The following RAPGEF6 variants were observed in gnomAD, a reference collection of about 807,000 sequenced individuals.
The protein encoded by RAPGEF6 is Rap guanine nucleotide exchange factor 6.
Under a neutral mutation model 171.4 loss-of-function variants are expected in RAPGEF6, and 56 were observed. The ratio of observed to expected loss-of-function variants is 0.33; its 90% CI spans 0.26 to 0.41. RAPGEF6 has a LOEUF of 0.41. Among genes scored for constraint, RAPGEF6 ranks in the 10% least tolerant of loss-of-function variants. The probability of loss-of-function intolerance (pLI) is 1.00; values close to 1 mark genes in which losing one functional copy is unlikely to be tolerated. For missense variants in RAPGEF6, 1,674 were observed against 1,921.4 expected, an observed-to-expected ratio of 0.87 and a Z score of 2.41; for synonymous variants, 692 against 650.1, an observed-to-expected ratio of 1.06 and a Z score of -0.98.
At chr5:131,598,261 G>A (rs1764019847) in intron 3 of RAPGEF6, among the ~76,000 whole-genome samples, 1 of 152,076 alleles carries the variant, frequency 6.6e-6, no homozygotes. Context: ...AGAAAATAAG[G>A]CAGTAGAAAA....
intron 4 of RAPGEF6, among the ~76,000 whole-genome samples, chr5:131,567,170 T>A (rs1022830138): frequency 3.9e-5 from 6 of 152,140 alleles, no homozygotes; most frequent in African/African-American, 1.4e-4. Flanking sequence ...TATGCCTGAT[T>A]CTGGAAATTT....
intron 27 of RAPGEF6, 124 bp from the exon 28 acceptor site, chr5:131,427,415 C>A: frequency 1.3e-6 from 1 of 759,520 alleles, no homozygotes; most frequent in Non-Finnish European, 2.1e-6. Flanking sequence ...CATCGAGGCC[C>A]AGATTTTATT....
intron 9 of RAPGEF6, 65 bp downstream of exon 9, chr5:131,508,006 G>A (rs901058055): frequency 8.3e-6 from 11 of 1,330,820 alleles, no homozygotes; most frequent in Non-Finnish European, 1.0e-5. Context: ...ACAAATTTAT[G>A]GAAATTAAGT....
rs1751291426 is a variant in RAPGEF6 at position 131,424,159 on chromosome 5, C to T, written c.*3107G>A. ...ATCAATGAATTGTGCAGTAGAATTG[C>T]TATCTGATTATTACAGATGTGCAGT... is the stretch of plus-strand genomic sequence containing the variant. On this transcript the variant is annotated 3_prime_UTR_variant, in exon 28 of 28. Transcript: ENST00000509018. 1 of 152,238 alleles carries T rather than the reference C, an allele frequency of 6.6e-6. No homozygotes were observed. Among genetic ancestry groups the T allele is most frequent in the Non-Finnish European group, 1.5e-5 (1 of 67,990 alleles). The allele number at this position is 152,238 out of a possible 1,614,324, so 9.4% of individuals were successfully genotyped here.
At chr5:131,480,485 T>C (rs244736) in intron 15 of RAPGEF6, among the ~76,000 whole-genome samples, 114,456 of 151,802 alleles carry the variant, frequency 0.75, 43,408 homozygotes, top group Middle Eastern at 0.81. Flanking sequence ...TATTGATTGA[T>C]TGACTGATTT....
At chr5:131,610,750 T>C (rs1253271216) in intron 1 of RAPGEF6, among the ~76,000 whole-genome samples, 19 of 151,994 alleles carry the variant, frequency 1.3e-4, no homozygotes, top group Admixed American at 1.2e-3. Context: ...CCACCATCTC[T>C]TGTCTAAGTT....
At chr5:131,622,771 A>C (rs1252311001) in intron 1 of RAPGEF6, among the ~76,000 whole-genome samples, 1 of 152,154 alleles carries the variant, frequency 6.6e-6, no homozygotes, top group Non-Finnish European at 1.5e-5. Flanking sequence ...AGAAGTATAA[A>C]TAAGTTCTTT....
At chr5:131,624,886 G>T (rs747166540) in intron 1 of RAPGEF6, among the ~76,000 whole-genome samples, 1 of 152,222 alleles carries the variant, frequency 6.6e-6, no homozygotes, top group Non-Finnish European at 1.5e-5. Context: ...ACTTTGGGAG[G>T]TCGAGGCGGG....
chr5:131,515,597 T>C (rs1289431740), intron 7 of RAPGEF6, among the ~76,000 whole-genome samples: 2 of 152,166 alleles, frequency 1.3e-5, no homozygotes, highest in Non-Finnish European at 2.9e-5. Flanking sequence ...ATGTCAAGTT[T>C]ACAAGTAACT....
intron 5 of RAPGEF6, among the ~76,000 whole-genome samples, chr5:131,558,172 A>T (rs1279603517): frequency 1.4e-5 from 2 of 148,128 alleles, no homozygotes; most frequent in African/African-American, 5.0e-5. Flanking sequence ...TTTTCTAGAT[A>T]TTGGCTTGTG....
intron 6 of RAPGEF6, 85 bp from the exon 7 acceptor site, chr5:131,521,606 T>A: frequency 8.0e-7 from 1 of 1,256,462 alleles, no homozygotes; most frequent in Non-Finnish European, 1.1e-6. Flanking sequence ...AATTTTTATG[T>A]ACATTACTGT....
chr5:131,490,358 T>G (rs1002963546), intron 14 of RAPGEF6, among the ~76,000 whole-genome samples: 1 of 151,658 alleles, frequency 6.6e-6, no homozygotes, highest in Non-Finnish European at 1.5e-5. Flanking sequence ...TGAAAAAATA[T>G]TAGGGAAAGA....
At chr5:131,500,223 C>G (rs1019963987) in intron 11 of RAPGEF6, among the ~76,000 whole-genome samples, 1 of 152,010 alleles carries the variant, frequency 6.6e-6, no homozygotes, top group African/African-American at 2.4e-5. Flanking sequence ...AAATAAGGTA[C>G]GAAAATCGTT....
chr5:131,433,526 C>T lies in RAPGEF6; in HGVS notation c.3878G>A (p.Cys1293Tyr). ...SMSAALQDERCSSQALAVPES... is the reference protein window; with the variant it reads ...SMSAALQDERYSSQALAVPES... ...AGGGACTGCCAGGGCCTGAGAGGAA[C>T]ACCGTTCATCCTGTAGAGCTGCAGA... Residue 1293 changes from cysteine to tyrosine, a missense_variant, in exon 25 of 28, where the codon TGT (cysteine) becomes TAT (tyrosine). Around this residue, in one of 3 missense-constraint regions of RAPGEF6, gnomAD observed 552 missense variants for 574.2 expected, o/e 0.96. Coordinates refer to ENST00000509018, the MANE Select transcript of RAPGEF6 (RefSeq NM_016340.6). 6.2e-7 allele frequency: 1 copy of T among 1,613,826 alleles called. No homozygotes were observed. Among genetic ancestry groups the T allele is most frequent in the Non-Finnish European group, 8.5e-7 (1 of 1,179,736 alleles).
At chr5:131,484,551 C>T (rs1346559490) in intron 15 of RAPGEF6, among the ~76,000 whole-genome samples, 1 of 151,966 alleles carries the variant, frequency 6.6e-6, no homozygotes, top group Non-Finnish European at 1.5e-5. Flanking sequence ...AAGCATAGAT[C>T]GTGATAAACT....
At chr5:131,588,695 A>G (rs1247612972) in intron 4 of RAPGEF6, among the ~76,000 whole-genome samples, 1 of 152,084 alleles carries the variant, frequency 6.6e-6, no homozygotes, top group Non-Finnish European at 1.5e-5. Context: ...GTGAGCCGAG[A>G]CTGAGCCACC....
chr5:131,619,216 A>T (rs1019106307), intron 1 of RAPGEF6, among the ~76,000 whole-genome samples: 2 of 150,762 alleles, frequency 1.3e-5, no homozygotes, highest in East Asian at 3.9e-4. Context: ...ACACAGGAAC[A>T]GAAAACCAAA....
intron 6 of RAPGEF6, among the ~76,000 whole-genome samples, chr5:131,522,039 T>A (rs1758533246): frequency 6.6e-6 from 1 of 152,144 alleles, no homozygotes; most frequent in East Asian, 1.9e-4. Flanking sequence ...GTTGATTACA[T>A]TAAATATTCC....
intron 15 of RAPGEF6, among the ~76,000 whole-genome samples, chr5:131,484,240 T>G (rs1302834816): frequency 7.4e-6 from 1 of 134,528 alleles, no homozygotes; most frequent in Non-Finnish European, 1.6e-5. Flanking sequence ...TTTTTTTTTT[T>G]TTTTTGAGAC....
Sources: gnomAD v4.1 joint callset for allele counts (sites outside exome capture counted in the v4.1 genomes callset) on GRCh38, gnomAD v4.1.1 for gene constraint, gnomAD v4.1.1 regional missense constraint, MANE v1.5 for transcripts, NCBI Gene and HGNC (gene_info 2026-07-23, HGNC 2026-07-21) for gene names.